Variants in CDHR2 observed in about 807,000 individuals in gnomAD.
CDHR2 encodes the protein cadherin-related family member 2.
A neutral mutation model predicts 138.6 loss-of-function variants in CDHR2; 104 were observed. The observed-to-expected ratio is 0.75, with a 90% CI of 0.64 to 0.88. CDHR2 has a LOEUF of 0.88. Ranked by LOEUF, CDHR2 falls within the 40% of genes least tolerant of loss-of-function variation. The pLI is 0.00. For missense variants in CDHR2, 1,624 were observed against 1,727.6 expected (o/e 0.94, Z 1.06); for synonymous variants, 755 against 742.8 (o/e 1.02, Z -0.27).
At chr5:176,557,560 A>ATTTTTTTTTTTTTTTTTTTTTTTTTTT (rs5873538) in intron 1 of CDHR2, among the ~76,000 whole-genome samples, 3 of 87,428 alleles carry the variant, frequency 3.4e-5, no homozygotes, top group African/African-American at 4.6e-5. Flanking sequence ...ACCTTCTTAG[A>ATTTTTTTTTTTTTTTTTTTTTTTTTTT]TTTTTTTTTT....
At chr5:176,573,309 T>G (rs1490074747) in intron 6 of CDHR2, among the ~76,000 whole-genome samples, 2 of 151,824 alleles carry the variant, frequency 1.3e-5, no homozygotes, top group African/African-American at 4.8e-5. Context: ...GTGGTCTGAT[T>G]CATGATTTTC....
chr5:176,572,262 C>T (rs1758253882), intron 6 of CDHR2, among the ~76,000 whole-genome samples: 1 of 151,642 alleles, frequency 6.6e-6, no homozygotes, highest in African/African-American at 2.4e-5. Flanking sequence ...GTGGCACATG[C>T]CTGTAATCCC....
rs955363872 is a variant in CDHR2, at chr5:176,584,208, C to T, written c.2077C>T (p.Pro693Ser). Residue 693 changes from proline (P) to serine (S), a missense_variant, in exon 18 of 32, where the codon CCC (proline) becomes TCC (serine). By Grantham distance (74) the Pro-to-Ser change is moderately conservative. Transcript: ENST00000261944. Reference protein sequence around the residue: ...ITVEDINDNLPIFNQSSYNFT... With the variant: ...ITVEDINDNLSIFNQSSYNFT... ...ACTGCAGGACATCAATGATAACCTG[C>T]CCATCTTCAATCAGTCCAGCTACAA... The T allele has an allele frequency of 4.3e-6, 7 of 1,613,974 alleles. No homozygotes were observed. Among genetic ancestry groups the T allele is most frequent in the Non-Finnish European group, 5.9e-6 (7 of 1,179,970 alleles).
At chr5:176,555,022 A>C (rs1757790698) in intron 1 of CDHR2, among the ~76,000 whole-genome samples, 1 of 152,210 alleles carries the variant, frequency 6.6e-6, no homozygotes, top group Admixed American at 6.5e-5. Context: ...TGCTTCCTCC[A>C]CGAGTCTCTT....
At chr5:176,546,140 T>C (rs192422190), upstream of CDHR2, among the ~76,000 whole-genome samples, 942 of 152,262 alleles carry the variant, frequency 6.2e-3, 8 homozygotes, top group African/African-American at 0.022. Context: ...CTCTTCTTAC[T>C]GGTTAAGCCA....
At position 176,577,547 on chromosome 5, in the gene CDHR2, C is replaced by A. The variant is rs181770549; in HGVS notation, c.1343C>A (p.Ala448Glu). ...GACTACGAGAGGCAGACGGCGATGG[C>A]GGTGCAGGTGAGGGCTGCTCCGGGG... The part of the protein sequence containing the change: ...LVDYERQTAM[A>E]VQVVATDSVS... Residue 448 changes from alanine to glutamate, a missense_variant, in exon 13 of 32, where the codon GCG becomes GAG. Ala to Glu is a moderately radical substitution (Grantham distance 107). Transcript: ENST00000261944. 5 of 1,613,548 alleles carry A rather than the reference C, an allele frequency of 3.1e-6. No individual in the cohort carries two copies. The highest frequency in any genetic ancestry group is 4.5e-5 in the East Asian group (2 of 44,862).
At chr5:176,588,064 T>C (rs1268582639) in intron 21 of CDHR2, among the ~76,000 whole-genome samples, 3 of 152,200 alleles carry the variant, frequency 2.0e-5, no homozygotes, top group African/African-American at 7.2e-5. Flanking sequence ...TAAAAGGCAC[T>C]AGAATGAATA....
chr5:176,595,053 C>G (rs1758988076), intron 31 of CDHR2, among the ~76,000 whole-genome samples: 1 of 152,178 alleles, frequency 6.6e-6, no homozygotes, highest in Non-Finnish European at 1.5e-5. Flanking sequence ...AGTGGTCTGC[C>G]CCTCTTCACC....
At chr5:176,565,999 T>C (rs1758070643) in intron 3 of CDHR2, among the ~76,000 whole-genome samples, 1 of 151,954 alleles carries the variant, frequency 6.6e-6, no homozygotes, top group Admixed American at 6.6e-5. Context: ...GCCTCCCCCA[T>C]TGCCCATCGC....
chr5:176,591,383 T>C, intron 29 of CDHR2, 21 bp from the exon 30 acceptor site: 3 of 1,613,596 alleles, frequency 1.9e-6, no homozygotes, highest in Non-Finnish European at 2.5e-6. Flanking sequence ...GCCAGGCAAC[T>C]TGACCAGGCT....
At chr5:176,592,680 G>C in intron 30 of CDHR2, 43 bp from the exon 31 acceptor site, 1 of 1,579,994 alleles carries the variant, frequency 6.3e-7, no homozygotes, top group Non-Finnish European at 8.7e-7. Context: ...AGTAAGGGAG[G>C]ACTGGGCCTG....
chr5:176,584,253 G>T lies in CDHR2; in HGVS notation c.2122G>T (p.Asp708Tyr). 6.2e-7 allele frequency: 1 copy of T among 1,614,054 alleles called. No individual in the cohort carries two copies. The highest frequency in any genetic ancestry group is 8.5e-7 in the Non-Finnish European group (1 of 1,179,918). ...CTACAACTTTACGGTGAAGGAGGAGGATCCAGGTATGTGCTCCCTGGGCCA... is the reference window on the plus strand; with the variant it reads ...CTACAACTTTACGGTGAAGGAGGAGTATCCAGGTATGTGCTCCCTGGGCCA... The part of the protein sequence containing the change: ...SSYNFTVKEE[D>Y]PGVLVGVVKA... Residue 708 changes from aspartate to tyrosine, a missense_variant, in exon 18 of 32, where the codon GAT (aspartate) becomes TAT (tyrosine). Asp to Tyr is a radical substitution (Grantham distance 160). Around this residue, in one of 3 missense-constraint regions of CDHR2, gnomAD observed 1,061 missense variants for 1,136.6 expected, o/e 0.93. Coordinates refer to ENST00000261944, the MANE Select transcript of CDHR2 (RefSeq NM_017675.6).
At position 176,593,288 on chromosome 5, in the gene CDHR2, G is replaced by A. The variant is rs868368582; in HGVS notation, c.3792+508G>A. 2.1e-4 allele frequency among the ~76,000 whole-genome samples: 32 copies of A among 152,330 alleles called. No homozygotes were observed. The Middle Eastern group carries it at 0.014, about 65-fold the overall frequency. Reference sequence around the variant, plus strand: ...AAGTGTTCATAGACTGGCCTGCTGCGTAAAAGCACCTGAGGAGCTCTTGAA... The same window carrying A: ...AAGTGTTCATAGACTGGCCTGCTGCATAAAAGCACCTGAGGAGCTCTTGAA... On this transcript the variant is annotated intron_variant, in intron 31 of 31. Transcript: ENST00000261944.
chr5:176,583,169 G>A (rs139089679), intron 17 of CDHR2, among the ~76,000 whole-genome samples: 1 of 152,344 alleles, frequency 6.6e-6, no homozygotes, highest in East Asian at 1.9e-4. Flanking sequence ...CTTCACCCCT[G>A]TGAGCCGTCC....
chr5:176,581,609 C>A, intron 17 of CDHR2, 27 bp downstream of exon 17: 1 of 1,600,272 alleles, frequency 6.2e-7, no homozygotes. Context: ...CCAGGATGGG[C>A]CTGGGGGCCT....
intron 1 of CDHR2, among the ~76,000 whole-genome samples, chr5:176,563,113 C>T (rs1037579287): frequency 2.0e-5 from 3 of 152,006 alleles, no homozygotes; most frequent in Admixed American, 6.6e-5. Context: ...TTTGGGAGGC[C>T]GAGGCAGGCA....
In CDHR2 at chr5:176,565,380, C is replaced by T; in HGVS notation, c.28C>T (p.Leu10Phe). The T allele has an allele frequency of 6.2e-7, 1 of 1,614,142 alleles. No homozygotes were observed. The highest frequency in any genetic ancestry group is 8.5e-7 in the Non-Finnish European group (1 of 1,180,006). MAQLWLSCF[L>F]LPALVVSVAA... ...GGCCCAGCTATGGCTGTCCTGCTTCCTCCTTCCTGCCCTCGTGGTGTCTGG... is the reference window on the plus strand; with the variant it reads ...GGCCCAGCTATGGCTGTCCTGCTTCTTCCTTCCTGCCCTCGTGGTGTCTGG... The change falls in exon 2 of 32, where the codon CTC becomes TTC. Residue 10 changes from leucine (L) to phenylalanine (F), a missense_variant. Transcript: ENST00000261944.
rs375008434 is a variant in CDHR2 at position 176,591,394 on chromosome 5, T to C, written c.3654-10T>C. ...GAGGGCCAGGCAACTTGACCAGGCT[T>C]TCTCTCCAGAGCCAACCCCATGCTG... On this transcript the variant is annotated splice_polypyrimidine_tract_variant and intron_variant, in intron 29 of 31. Transcript: ENST00000261944. The C allele has an allele frequency of 3.2e-5, 52 of 1,613,820 alleles. No homozygotes were observed. The highest frequency in any genetic ancestry group is 4.0e-5 in the Non-Finnish European group (47 of 1,179,912).
rs1758392491 is a variant in CDHR2 at position 176,576,796 on chromosome 5, T to C, written c.1195-603T>C. On this transcript the variant is annotated intron_variant, in intron 12 of 31. Coordinates refer to ENST00000261944, the MANE Select transcript of CDHR2 (RefSeq NM_017675.6). The surrounding 1 kb of genome is among the most constrained non-coding windows in gnomAD (Gnocchi z 4.5). ...TTCACCATGTTGGCCAGGTTGGTCT[T>C]GAACTCCTGACCTCAAGTGATCCAC... 6.6e-6 allele frequency among the ~76,000 whole-genome samples: 1 copy of C among 152,066 alleles called. No homozygotes were observed. Among genetic ancestry groups the C allele is most frequent in the Non-Finnish European group, 1.5e-5 (1 of 68,002 alleles).
Sources: allele counts gnomAD v4.1 joint callset (sites outside exome capture counted in the v4.1 genomes callset), GRCh38; gene constraint gnomAD v4.1.1; regional missense constraint gnomAD v4.1.1; non-coding constraint Gnocchi (gnomAD v3.1); transcripts MANE v1.5; gene names NCBI Gene and HGNC (gene_info 2026-07-23, HGNC 2026-07-21).